Variants in USH2A observed in about 807,000 individuals in gnomAD.
USH2A encodes the protein Usher syndrome 2A (autosomal recessive, mild).
A neutral mutation model predicts 538.9 loss-of-function variants in USH2A; 443 were observed. That is an observed-to-expected ratio of 0.82 (90% CI 0.76 to 0.89). The LOEUF (loss-of-function observed/expected upper bound fraction) is 0.89, where lower values mean the gene tolerates loss of function less well. USH2A is among the 40% of genes least tolerant of loss of function. The probability of loss-of-function intolerance (pLI) is 0.00; values close to 1 mark genes in which losing one functional copy is unlikely to be tolerated. For missense variants in USH2A, 6,633 were observed against 6,324.8 expected, an observed-to-expected ratio of 1.05 and a Z score of -1.65; for synonymous variants, 2,413 against 2,273.5, an observed-to-expected ratio of 1.06 and a Z score of -1.75.
At chr1:215,726,087 A>G (rs1231549506) in intron 61 of USH2A, among the ~76,000 whole-genome samples, 5 of 152,162 alleles carry the variant, frequency 3.3e-5, no homozygotes, top group Admixed American at 3.3e-4. Flanking sequence ...GATGCCTTCA[A>G]TAAAAACATA....
At chr1:216,020,269 C>G (rs879651769) in intron 32 of USH2A, among the ~76,000 whole-genome samples, 4 of 152,140 alleles carry the variant, frequency 2.6e-5, no homozygotes, top group Admixed American at 2.6e-4. Flanking sequence ...AAACACCAAT[C>G]TAAATGTTGC....
intron 4 of USH2A, among the ~76,000 whole-genome samples, chr1:216,355,257 C>T (rs988112239): frequency 4.7e-5 from 7 of 149,610 alleles, no homozygotes; most frequent in East Asian, 4.0e-4. Flanking sequence ...GAGCCAAGAT[C>T]GCACCACTGC....
intron 33 of USH2A, among the ~76,000 whole-genome samples, chr1:215,999,658 A>T (rs1051778358): frequency 1.3e-5 from 2 of 152,188 alleles, no homozygotes; most frequent in African/African-American, 4.8e-5. Context: ...TAGAACAGAC[A>T]GGAAATTGTT....
intron 61 of USH2A, among the ~76,000 whole-genome samples, chr1:215,695,086 T>C (rs555074928): frequency 6.6e-6 from 1 of 152,340 alleles, no homozygotes; most frequent in Admixed American, 6.5e-5. Flanking sequence ...TTTTCGCAGT[T>C]GCTAGTTTCC....
Position 216,046,471 on chromosome 1 carries a change from C to G in USH2A, c.6285G>C (p.Arg2095Ser), listed in dbSNP as rs2030525921. Residue 2095 changes from arginine to serine, a missense_variant, in exon 32 of 72, where the codon AGG becomes AGC. Coordinates refer to ENST00000307340, the MANE Select transcript of USH2A (RefSeq NM_206933.4). ...TCTCCTCACTGCCTGAATAGATCAG[C>G]CTCCCATCCATGTATAAACAGTACT... Reference protein sequence around the residue: ...ITQYCLYMDGRLIYSGSEENY... With the variant: ...ITQYCLYMDGSLIYSGSEENY... 6.2e-7 allele frequency: 1 copy of G among 1,613,524 alleles called. No homozygotes were observed. The highest frequency in any genetic ancestry group is 1.3e-5 in the African/African-American group (1 of 74,884).
chr1:215,626,590 G>C (rs2102622224), intron 71 of USH2A, among the ~76,000 whole-genome samples: 1 of 152,106 alleles, frequency 6.6e-6, no homozygotes, highest in South Asian at 2.1e-4. Context: ...CCAAGTACTG[G>C]CACCTTCAAA....
At chr1:216,207,477 AC>A in intron 15 of USH2A, 46 bp from the exon 16 acceptor site, 1 of 1,611,980 alleles carries the variant, frequency 6.2e-7, no homozygotes, top group Non-Finnish European at 8.5e-7. Flanking sequence ...CAATCAATAA[AC>A]AGAAAAGCAA....
intron 21 of USH2A, among the ~76,000 whole-genome samples, chr1:216,159,525 A>G (rs1255637227): frequency 7.7e-6 from 1 of 130,082 alleles, no homozygotes; most frequent in East Asian, 2.3e-4. Flanking sequence ...ATGATATAAC[A>G]TTTTATTTAT....
rs759274232 is a variant in USH2A at position 215,934,653 on chromosome 1, C to T, written c.7263G>A (p.Leu2421=). The T allele has an allele frequency of 6.2e-7, 1 of 1,612,628 alleles. No individual in the cohort carries two copies. ...TTGCAATTGTTATAGGATCAGTTAT[C>T]AAGCTGCCTTGGCTATTTGAAATAT... ...QVNISNSQGS[L]ITDPITIAMP... is the part of the protein sequence containing the mutation. Residue 2421 remains leucine, a synonymous_variant, in exon 38 of 72, where the codon TTG becomes TTA. Transcript: ENST00000307340.
intron 38 of USH2A, among the ~76,000 whole-genome samples, chr1:215,907,601 T>C (rs1237291454): frequency 6.6e-5 from 10 of 152,042 alleles, no homozygotes; most frequent in African/African-American, 2.4e-4. Context: ...GAAACTTCAC[T>C]GAGCATCTTA....
chr1:215,751,540 T>C (rs1397920971), intron 58 of USH2A, among the ~76,000 whole-genome samples: 4 of 152,122 alleles, frequency 2.6e-5, no homozygotes, highest in East Asian at 1.9e-4. Context: ...ATTTTGAATG[T>C]TTAGATTCTT....
intron 35 of USH2A, among the ~76,000 whole-genome samples, chr1:215,978,678 A>G (rs1667678302): frequency 1.3e-5 from 2 of 152,192 alleles, no homozygotes; most frequent in Non-Finnish European, 2.9e-5. Context: ...TGACATAATT[A>G]AATAGTAGAC....
chr1:216,300,837 C>T (rs1249077667), intron 9 of USH2A, among the ~76,000 whole-genome samples: 1 of 151,088 alleles, frequency 6.6e-6, no homozygotes, highest in Non-Finnish European at 1.5e-5. Flanking sequence ...AAACCTCCAC[C>T]ACCCACGTTC....
chr1:216,207,655 T>A (rs2035146372), intron 15 of USH2A, among the ~76,000 whole-genome samples: 1 of 150,786 alleles, frequency 6.6e-6, no homozygotes, highest in Non-Finnish European at 1.5e-5. Flanking sequence ...GCAGCTGGCA[T>A]AAATATAGTT....
intron 21 of USH2A, among the ~76,000 whole-genome samples, chr1:216,141,033 G>A (rs2033591877): frequency 6.6e-6 from 1 of 152,130 alleles, no homozygotes; most frequent in Non-Finnish European, 1.5e-5. Flanking sequence ...TAAACTTTGT[G>A]ACTAACTGGA....
chr1:215,711,669 A>G (rs933161278), intron 61 of USH2A, among the ~76,000 whole-genome samples: 1 of 152,156 alleles, frequency 6.6e-6, no homozygotes, highest in African/African-American at 2.4e-5. Flanking sequence ...AGTCATTCTA[A>G]CCATTCAATT....
At chr1:215,750,768 G>C (rs1433452992) in intron 58 of USH2A, among the ~76,000 whole-genome samples, 1 of 152,070 alleles carries the variant, frequency 6.6e-6, no homozygotes, top group African/African-American at 2.4e-5. Context: ...CCTGCTTGAA[G>C]AATAACCTAG....
At chr1:216,215,156 A>G (rs1313719530) in intron 15 of USH2A, among the ~76,000 whole-genome samples, 1 of 152,094 alleles carries the variant, frequency 6.6e-6, no homozygotes, top group Non-Finnish European at 1.5e-5. Flanking sequence ...CAGCCCACCA[A>G]AAATAAAAAT....
At chr1:216,006,436 T>C (rs535219229) in intron 32 of USH2A, among the ~76,000 whole-genome samples, 3 of 152,148 alleles carry the variant, frequency 2.0e-5, no homozygotes, top group Non-Finnish European at 4.4e-5. Context: ...CTGGGTCACA[T>C]AGGGTTCTTC....
Sources: allele counts gnomAD v4.1 joint callset (sites outside exome capture counted in the v4.1 genomes callset), GRCh38; gene constraint gnomAD v4.1.1; transcripts MANE v1.5; gene names NCBI Gene and HGNC (gene_info 2026-07-23, HGNC 2026-07-21).